ENAH: variants seen among roughly 807,000 people sequenced by gnomAD.
ENAH encodes ENAH actin regulator.
Under a neutral mutation model 78.7 loss-of-function variants are expected in ENAH, and 23 were observed. That is an observed-to-expected ratio of 0.29 (90% CI 0.21 to 0.41). The LOEUF (loss-of-function observed/expected upper bound fraction) is 0.41. Among genes scored for constraint, ENAH ranks in the 10% least tolerant of loss-of-function variants. ENAH has a pLI of 1.00. For missense variants in ENAH, 544 were observed against 691.0 expected (o/e 0.79, Z 2.39); for synonymous variants, 226 against 241.0 (o/e 0.94, Z 0.58).
chr1:225,544,833 AAAAAATCACAAAAAAAATCACAAAAAG>A (rs2096605780), intron 3 of ENAH, among the ~76,000 whole-genome samples: 1 of 152,222 alleles, frequency 6.6e-6, no homozygotes, highest in Admixed American at 6.5e-5. Context: ...TATAATTATG[AAAAAATCACAAAAAAAATCACAAAAAG>A]AAAAATCACA....
chr1:225,605,611 T>C (rs2096952209), intron 1 of ENAH, among the ~76,000 whole-genome samples: 1 of 152,136 alleles, frequency 6.6e-6, no homozygotes, highest in African/African-American at 2.4e-5. Flanking sequence ...ATAAAAATAT[T>C]TGTTATGTGC....
At chr1:225,528,976 T>C (rs2096524886) in intron 4 of ENAH, among the ~76,000 whole-genome samples, 1 of 151,820 alleles carries the variant, frequency 6.6e-6, no homozygotes, top group Non-Finnish European at 1.5e-5. Context: ...CAACAACCAC[T>C]TCTATCACCT....
chr1:225,584,654 C>A, intron 1 of ENAH, among the ~76,000 whole-genome samples: 1 of 151,804 alleles, frequency 6.6e-6, no homozygotes, highest in African/African-American at 2.4e-5. Flanking sequence ...CACAGAGATG[C>A]ACTTTAAATA....
At chr1:225,574,319 G>C (rs1360963574) in intron 1 of ENAH, among the ~76,000 whole-genome samples, 1 of 152,086 alleles carries the variant, frequency 6.6e-6, no homozygotes, top group Non-Finnish European at 1.5e-5. Flanking sequence ...TAAGATTGTG[G>C]GCCAGGCGCG....
intron 3 of ENAH, among the ~76,000 whole-genome samples, chr1:225,536,704 TAAATA>T (rs1362434413): frequency 1.3e-5 from 2 of 152,164 alleles, no homozygotes; most frequent in East Asian, 1.9e-4. Context: ...GGTAATGTCT[TAAATA>T]AAAGAGAATT....
rs2096215440 is a variant in ENAH, at chr1:225,490,065, A to T, written c.*7710T>A. 1 of 152,244 alleles carries T rather than the reference A, an allele frequency of 6.6e-6. No homozygotes were observed. The highest frequency in any genetic ancestry group is 1.5e-5 in the Non-Finnish European group (1 of 68,062). The allele number at this position is 152,244 out of a possible 1,614,324, so 9.4% of individuals were successfully genotyped here. Reference sequence around the variant, plus strand: ...AAAAAAAGAACTCAACTTTAGAGGTAGAAGGCTCAGAGAGAATGACTGACT... The same window carrying T: ...AAAAAAAGAACTCAACTTTAGAGGTTGAAGGCTCAGAGAGAATGACTGACT... On this transcript the variant is annotated 3_prime_UTR_variant, in exon 14 of 14. Transcript: ENST00000366843.
At chr1:225,557,304 T>G (rs2096671927) in intron 2 of ENAH, among the ~76,000 whole-genome samples, 1 of 152,186 alleles carries the variant, frequency 6.6e-6, no homozygotes, top group African/African-American at 2.4e-5. Flanking sequence ...TATTAGAATC[T>G]TCTAATATTC....
At chr1:225,636,826 A>C (rs1660142563) in intron 1 of ENAH, among the ~76,000 whole-genome samples, 1 of 152,182 alleles carries the variant, frequency 6.6e-6, no homozygotes, top group Non-Finnish European at 1.5e-5. Flanking sequence ...ATGAGTTTAT[A>C]CTCCGTTTTT....
intron 1 of ENAH, among the ~76,000 whole-genome samples, chr1:225,623,587 G>GTT (rs10600222): frequency 1.5e-5 from 2 of 137,576 alleles, no homozygotes; most frequent in Non-Finnish European, 3.1e-5. Flanking sequence ...TTTTTGTTGG[G>GTT]TTTTTTTTTT....
intron 12 of ENAH, among the ~76,000 whole-genome samples, chr1:225,499,533 G>A (rs375422084): frequency 6.6e-5 from 10 of 152,090 alleles, no homozygotes; most frequent in Admixed American, 2.0e-4. Context: ...TTAGCCGGGC[G>A]TGGTAGTGCA....
At chr1:225,501,647 A>C (rs1191370679) in intron 11 of ENAH, among the ~76,000 whole-genome samples, 2 of 152,208 alleles carry the variant, frequency 1.3e-5, no homozygotes, top group South Asian at 2.1e-4. Context: ...TGTTTTAAAA[A>C]TGTTTATTAG....
chr1:225,570,622 G>A (rs983510029), intron 1 of ENAH, among the ~76,000 whole-genome samples: 17 of 151,962 alleles, frequency 1.1e-4, no homozygotes, highest in African/African-American at 4.1e-4. Flanking sequence ...TCCTTCTTGT[G>A]ATTTTTTAAT....
chr1:225,572,875 A>G (rs1323181635), intron 1 of ENAH, among the ~76,000 whole-genome samples: 2 of 152,228 alleles, frequency 1.3e-5, no homozygotes, highest in Non-Finnish European at 2.9e-5. Flanking sequence ...TCATCTTCTG[A>G]TGTTAATTTT....
chr1:225,539,200 C>T (rs1426497828), intron 3 of ENAH, among the ~76,000 whole-genome samples: 2 of 152,164 alleles, frequency 1.3e-5, no homozygotes, highest in Non-Finnish European at 2.9e-5. Context: ...AATGCAACCT[C>T]CTAATTTCTC....
chr1:225,528,115 A>C (rs2096519131), intron 4 of ENAH, among the ~76,000 whole-genome samples: 1 of 152,150 alleles, frequency 6.6e-6, no homozygotes, highest in African/African-American at 2.4e-5. Context: ...CAGTACCAGA[A>C]ACTTCTTAAC....
chr1:225,506,185 T>G (rs190201962), intron 11 of ENAH, among the ~76,000 whole-genome samples: 95 of 152,268 alleles, frequency 6.2e-4, no homozygotes, highest in African/African-American at 2.2e-3. Context: ...TGCAGATCAA[T>G]GAAGCATGAT....
intron 1 of ENAH, among the ~76,000 whole-genome samples, chr1:225,637,189 ATT>A (rs907820631): frequency 2.7e-5 from 4 of 149,780 alleles, no homozygotes; most frequent in Admixed American, 6.7e-5. Context: ...TCTTCAGTAG[ATT>A]TTTTTTTTGT....
intron 1 of ENAH, among the ~76,000 whole-genome samples, chr1:225,651,755 A>T (rs539397783): frequency 3.9e-5 from 6 of 152,336 alleles, no homozygotes; most frequent in Admixed American, 1.3e-4. Context: ...CGAAAAGAGA[A>T]GGTTATGGAC....
chr1:225,616,265 A>G (rs900308506), intron 1 of ENAH, among the ~76,000 whole-genome samples: 3 of 151,280 alleles, frequency 2.0e-5, no homozygotes, highest in Admixed American at 6.6e-5. Context: ...CCTTCCCTCC[A>G]CTATTGTCCT....
Sources: gnomAD v4.1 joint callset for allele counts (sites outside exome capture counted in the v4.1 genomes callset) on GRCh38, gnomAD v4.1.1 for gene constraint, MANE v1.5 for transcripts, NCBI Gene and HGNC (gene_info 2026-07-23, HGNC 2026-07-21) for gene names.